A2M: variants seen among roughly 807,000 people sequenced by gnomAD.
A2M encodes the protein C3 and PZP-like alpha-2-macroglobulin domain-containing protein 5.
A2M carries 128 observed loss-of-function variants against 183.9 expected under a neutral mutation model. That is an observed-to-expected ratio of 0.70 (90% CI 0.60 to 0.81). The LOEUF (loss-of-function observed/expected upper bound fraction) is 0.81, where lower values mean the gene tolerates loss of function less well. A2M is among the 30% of genes least tolerant of loss of function. The probability of loss-of-function intolerance (pLI) is 0.00; values close to 1 mark genes in which losing one functional copy is unlikely to be tolerated. For missense variants in A2M, 1,495 were observed against 1,787.6 expected (o/e 0.84, Z 2.95); for synonymous variants, 592 against 670.8 (o/e 0.88, Z 1.81).
chr12:9,110,372 T>A (rs1565604285), intron 4 of A2M, 38 bp from the exon 5 acceptor site: 1 of 1,275,406 alleles, frequency 7.8e-7, no homozygotes, highest in Non-Finnish European at 1.1e-6. Flanking sequence ...ATAATTATTT[T>A]CAAATATTCT....
chr12:9,100,039 TGA>T (rs1209476473), intron 13 of A2M, among the ~76,000 whole-genome samples: 2 of 152,194 alleles, frequency 1.3e-5, no homozygotes, highest in Admixed American at 6.5e-5. Flanking sequence ...CAAGAACTAA[TGA>T]GAGAGTAGAT....
Position 9,089,244 on chromosome 12 carries a change from C to A in A2M, c.2726G>T (p.Gly909Val). 1 of 1,585,964 alleles carries A rather than the reference C, an allele frequency of 6.3e-7. No homozygotes were observed. The highest frequency in any genetic ancestry group is 8.6e-7 in the Non-Finnish European group (1 of 1,164,026). Residue 909 changes from glycine (G) to valine (V), a missense_variant, in exon 22 of 36, where the codon GGA becomes GTA. Gly to Val is a moderately radical substitution (Grantham distance 109). Transcript: ENST00000318602. The stretch of plus-strand genomic sequence containing the variant: ...GTTGAATGTTGTTTCCTTCTCTAGT[C>A]CTTCAGGCTTTAGGTAAAAGAAAGA... ...VIKPLLVEPE[G>V]LEKETTFNSL... is the part of the protein sequence containing the mutation.
At position 9,080,091 on chromosome 12, in the gene A2M, C is replaced by G. The variant is rs1285614990; in HGVS notation, c.2854+3G>C. On this transcript the variant is annotated splice_donor_region_variant and intron_variant, in intron 23 of 35. Transcript: ENST00000318602. ...CCGGATCCACTAGGGGCTGGAGACT[C>G]ACCCAAAACTGAGACAGAAGCTCGG... The G allele has an allele frequency of 1.5e-5, 24 of 1,578,110 alleles. No individual in the cohort carries two copies. The highest frequency in any genetic ancestry group is 2.1e-5 in the Non-Finnish European group (24 of 1,160,588).
intron 27 of A2M, 139 bp from the exon 28 acceptor site, chr12:9,077,075 T>C (rs1225699207): frequency 2.0e-5 from 15 of 743,016 alleles, no homozygotes; most frequent in Non-Finnish European, 2.9e-5. Context: ...ATAGATATAA[T>C]ATTATTTTTA....
chr12:9,087,034 A>G (rs1949071392), intron 22 of A2M, among the ~76,000 whole-genome samples: 1 of 152,216 alleles, frequency 6.6e-6, no homozygotes, highest in Non-Finnish European at 1.5e-5. Context: ...CCCATTTACA[A>G]TAGCTATAAA....
chr12:9,072,450 C>T lies in A2M; in HGVS notation c.4012G>A (p.Glu1338Lys), dbSNP rs764833798. The change falls in exon 31 of 36, where the codon GAG (glutamate) becomes AAG (lysine). Residue 1338 changes from glutamate (E) to lysine (K), a missense_variant. Transcript: ENST00000318602. ...LKYNILPEKE[E>K]FPFALGVQTL... ...TGCACTCCTAAAGCAAAGGGGAACT[C>T]TTCCTTTTCTGGGAGAATATTGTAT... The T allele has an allele frequency of 6.2e-7, 1 of 1,613,088 alleles. No homozygotes were observed. The highest frequency in any genetic ancestry group is 8.5e-7 in the Non-Finnish European group (1 of 1,179,706).
chr12:9,115,579 G>T (rs1169988217), intron 1 of A2M, 185 bp downstream of exon 1: 1 of 553,458 alleles, frequency 1.8e-6, no homozygotes, highest in African/African-American at 1.9e-5. Context: ...GAGCTTCAGA[G>T]AGTTGGGGAA....
At chr12:9,070,979 T>C (rs890294352) in intron 31 of A2M, among the ~76,000 whole-genome samples, 5 of 152,086 alleles carry the variant, frequency 3.3e-5, no homozygotes, top group Non-Finnish European at 5.9e-5. Flanking sequence ...CACCACCACG[T>C]CCGACTAATT....
intron 17 of A2M, 92 bp from the exon 18 acceptor site, chr12:9,093,671 A>C: frequency 1.4e-6 from 1 of 727,686 alleles, no homozygotes; most frequent in Non-Finnish European, 2.1e-6. Context: ...AAAAAACAAA[A>C]AACAAATCGT....
intron 31 of A2M, among the ~76,000 whole-genome samples, chr12:9,071,560 ATTG>A (rs1216643021): frequency 1.3e-5 from 2 of 152,038 alleles, no homozygotes; most frequent in African/African-American, 4.8e-5. Flanking sequence ...TTTGCACTGA[ATTG>A]TTGTTTTTTT....
chr12:9,086,641 C>G (rs953271340), intron 22 of A2M, among the ~76,000 whole-genome samples: 2 of 152,144 alleles, frequency 1.3e-5, no homozygotes, highest in African/African-American at 2.4e-5. Flanking sequence ...CAATGTTCCT[C>G]AACACAATAA....
chr12:9,084,736 T>A (rs1181410332), intron 22 of A2M, among the ~76,000 whole-genome samples: 2 of 152,030 alleles, frequency 1.3e-5, no homozygotes, highest in Non-Finnish European at 2.9e-5. Context: ...ATAAAGTGAC[T>A]GAATGGATTT....
At chr12:9,072,276 G>T (rs1298137234) in intron 31 of A2M, 83 bp downstream of exon 31, 5 of 1,482,512 alleles carry the variant, frequency 3.4e-6, no homozygotes, top group Non-Finnish European at 4.6e-6. Flanking sequence ...ATCTACTGTT[G>T]CACTGCTTTA....
Position 9,113,105 on chromosome 12 carries a change from C to G in A2M, c.270+255G>C, listed in dbSNP as rs770229675. ...TCTTAATTTTAAGAAGTCACATTTTCTTTTTTTTTTTTTCCTTTCTGGCTA... is the reference window on the plus strand; with the variant it reads ...TCTTAATTTTAAGAAGTCACATTTTGTTTTTTTTTTTTTCCTTTCTGGCTA... On this transcript the variant is annotated intron_variant, in intron 2 of 35. Transcript: ENST00000318602. Among the ~76,000 whole-genome samples, 44 of 143,924 alleles carry G rather than the reference C, an allele frequency of 3.1e-4. 1 individual carries two copies. In the South Asian group the frequency reaches 9.6e-3, roughly 31 times the overall value. 94.4% of individuals were successfully genotyped at this position (143,924 alleles called of 152,430 possible).
chr12:9,104,104 C>A (rs941425729), intron 11 of A2M, 135 bp downstream of exon 11: 2 of 861,762 alleles, frequency 2.3e-6, no homozygotes, highest in African/African-American at 3.5e-5. Context: ...AAAAAGTTAA[C>A]CTTCAATCGG....
chr12:9,089,627 G>A (rs904774351), intron 21 of A2M, among the ~76,000 whole-genome samples: 7 of 152,086 alleles, frequency 4.6e-5, no homozygotes, highest in Admixed American at 4.6e-4. Context: ...TGTAATCCCA[G>A]CTACTCAGGA....
intron 13 of A2M, among the ~76,000 whole-genome samples, chr12:9,100,914 G>C (rs887267543): frequency 1.3e-5 from 2 of 152,092 alleles, no homozygotes; most frequent in African/African-American, 4.8e-5. Flanking sequence ...AGGGTGGAAG[G>C]GGGTGAGGGA....
At chr12:9,109,034 TTG>T (rs34803501) in intron 7 of A2M, among the ~76,000 whole-genome samples, 1 of 151,102 alleles carries the variant, frequency 6.6e-6, no homozygotes, top group Non-Finnish European at 1.5e-5. Context: ...CCTTCCCATT[TTG>T]TGTGTGTGTG....
chr12:9,077,934 T>C (rs1372851997), intron 25 of A2M, 77 bp from the exon 26 acceptor site: 1 of 1,567,624 alleles, frequency 6.4e-7, no homozygotes, highest in African/African-American at 1.4e-5. Context: ...ACAGGCTTCA[T>C]ATGATGTGAG....
Sources: gnomAD v4.1 joint callset for allele counts (sites outside exome capture counted in the v4.1 genomes callset) on GRCh38, gnomAD v4.1.1 for gene constraint, MANE v1.5 for transcripts, NCBI Gene and HGNC (gene_info 2026-07-23, HGNC 2026-07-21) for gene names.